The following CCER2 variants were observed in gnomAD, a reference collection of about 807,000 sequenced individuals.
CCER2 encodes the protein coiled-coil domain-containing glutamate-rich protein 2.
In CCER2, 20 loss-of-function variants were observed where a neutral mutation model predicts 27.1. The ratio of observed to expected loss-of-function variants is 0.74; its 90% CI spans 0.52 to 1.07. The LOEUF is 1.07. Ranked by LOEUF, CCER2 falls within the 50% of genes least tolerant of loss-of-function variation. CCER2 has a pLI of 0.00. For synonymous variants in CCER2, 140 were observed against 144.3 expected, an observed-to-expected ratio of 0.97 and a Z score of 0.21; for missense variants, 351 against 344.7, an observed-to-expected ratio of 1.02 and a Z score of -0.14.
At chr19:38,909,789 G>T (rs1054145066) in intron 4 of CCER2, among the ~76,000 whole-genome samples, 3 of 151,870 alleles carry the variant, frequency 2.0e-5, no homozygotes, top group Admixed American at 6.6e-5. Flanking sequence ...GGCCAGGCTG[G>T]TCTCGAACTC....
chr19:38,911,160 A>G, intron 3 of CCER2, 77 bp from the exon 4 acceptor site: 2 of 1,357,634 alleles, frequency 1.5e-6, no homozygotes, highest in Non-Finnish European at 1.9e-6. Context: ...CACGCCTGTA[A>G]TCTCAGCACT....
intron 4 of CCER2, 96 bp downstream of exon 4, chr19:38,910,467 G>T: frequency 7.1e-7 from 1 of 1,413,116 alleles, no homozygotes; most frequent in Non-Finnish European, 9.2e-7. Flanking sequence ...TGGTGGTGCA[G>T]GGCCAACACC....
intron 4 of CCER2, 56 bp from the exon 5 acceptor site, chr19:38,909,381 G>A (rs756931708): frequency 1.1e-5 from 16 of 1,480,584 alleles, no homozygotes; most frequent in Non-Finnish European, 1.1e-5. Flanking sequence ...AGGCCACCTC[G>A]GTCACTGTGA....
At position 38,909,000 on chromosome 19, in the gene CCER2, T is replaced by G; in HGVS notation, c.*236A>C. 1 of 1,125,760 alleles carries G rather than the reference T, an allele frequency of 8.9e-7. No individual in the cohort carries two copies. Among genetic ancestry groups the G allele is most frequent in the Non-Finnish European group, 1.2e-6 (1 of 805,036 alleles). The allele number at this position is 1,125,760 out of a possible 1,614,324, so 69.7% of individuals were successfully genotyped here. A position where few individuals can be genotyped will look rare whatever the true frequency, so the allele number is the denominator to read the frequency against. On this transcript the variant is annotated 3_prime_UTR_variant, in exon 5 of 5. Transcript: ENST00000571838. ...CAGGGTGCGTTTCTTTGTGCTTTATTCACTCAGAAGGGTTGGAGTGGGAGT... is the reference window on the plus strand; with the variant it reads ...CAGGGTGCGTTTCTTTGTGCTTTATGCACTCAGAAGGGTTGGAGTGGGAGT...
chr19:38,909,004 T>A lies in CCER2; in HGVS notation c.*232A>T. 9.1e-7 allele frequency: 1 copy of A among 1,102,958 alleles called. No individual in the cohort carries two copies. The highest frequency in any genetic ancestry group is 1.3e-6 in the Non-Finnish European group (1 of 785,720). 68.3% of individuals were successfully genotyped at this position (1,102,958 alleles called of 1,614,324 possible). A position where few individuals can be genotyped will look rare whatever the true frequency, so the allele number is the denominator to read the frequency against. On this transcript the variant is annotated 3_prime_UTR_variant, in exon 5 of 5. Coordinates refer to ENST00000571838, the MANE Select transcript of CCER2 (RefSeq NM_001243212.2). Reference sequence around the variant, plus strand: ...GTGCGTTTCTTTGTGCTTTATTCACTCAGAAGGGTTGGAGTGGGAGTGCAT... The same window carrying A: ...GTGCGTTTCTTTGTGCTTTATTCACACAGAAGGGTTGGAGTGGGAGTGCAT...
chr19:38,912,074 G>A lies in CCER2; in HGVS notation c.61+24C>T, dbSNP rs545962792. 8.3e-4 allele frequency: 1,259 copies of A among 1,524,806 alleles called. 10 individuals carry two copies. In the Admixed American group the frequency reaches 0.015, roughly 19 times the overall value. 94.5% of individuals were successfully genotyped at this position (1,524,806 alleles called of 1,614,324 possible). A position where few individuals can be genotyped will look rare whatever the true frequency, so the allele number is the denominator to read the frequency against. On this transcript the variant is annotated intron_variant, in intron 1 of 4. Transcript: ENST00000571838. ...CGCTCCCCGGCCCCTGGCAGGTCCC[G>A]CACTCGGCAGGTCCCGCACTCACCC...
rs1974296746 is a variant in CCER2 at position 38,910,978 on chromosome 19, T to A, written c.296A>T (p.Glu99Val). 4 of 1,516,136 alleles carry A rather than the reference T, an allele frequency of 2.6e-6. No homozygotes were observed. In the East Asian group the frequency reaches 9.8e-5, roughly 37 times the overall value. 93.9% of individuals were successfully genotyped at this position (1,516,136 alleles called of 1,614,324 possible). A position where few individuals can be genotyped will look rare whatever the true frequency, so the allele number is the denominator to read the frequency against. ...CTCCTCCTCTTCCTCATCCCTCACC[T>A]CCTGGCTGGACCTCATCTTCCCAGC... ...QEAGKMRSSQ[E>V]VRDEEEEEVA... The change falls in exon 4 of 5, where the codon GAG (glutamate) becomes GTG (valine). Residue 99 changes from glutamate (E) to valine (V), a missense_variant. Glu to Val is a moderately radical substitution (Grantham distance 121). Coordinates refer to ENST00000571838, the MANE Select transcript of CCER2 (RefSeq NM_001243212.2).
In CCER2 at chr19:38,911,570, G is replaced by C. The variant is rs898019134; in HGVS notation, c.186C>G (p.His62Gln). 7.2e-6 allele frequency: 11 copies of C among 1,535,236 alleles called. No individual in the cohort carries two copies. The African/African-American group carries it at 1.5e-4, about 21-fold the overall frequency. ...VQRGPCTALL[H>Q]KELCGTEPHG... Reference sequence around the variant, plus strand: ...TGGGGCCCGGGGCCTCCTTACCCTTGTGGAGAAGAGCAGTGCAGGGTCCTC... The same window carrying C: ...TGGGGCCCGGGGCCTCCTTACCCTTCTGGAGAAGAGCAGTGCAGGGTCCTC... Residue 62 changes from histidine to glutamine, a missense_variant, in exon 3 of 5, where the codon CAC becomes CAG. Coordinates refer to ENST00000571838, the MANE Select transcript of CCER2 (RefSeq NM_001243212.2).
chr19:38,910,615 T>C lies in CCER2; in HGVS notation c.659A>G (p.His220Arg). The change falls in exon 4 of 5, where the codon CAC becomes CGC. Residue 220 changes from histidine (H) to arginine (R), a missense_variant. Coordinates refer to ENST00000571838, the MANE Select transcript of CCER2 (RefSeq NM_001243212.2). ...CTGCCTGGGCTCAGCCTCTGGCTGG[T>C]GGTGGTGGTGGTGGTGGTGGGGCAA... is the stretch of plus-strand genomic sequence containing the variant. ...EDLPHHHHHH[H>R]QPEAEPRQEK... 6.6e-7 allele frequency: 1 copy of C among 1,517,888 alleles called. No individual in the cohort carries two copies. Among genetic ancestry groups the C allele is most frequent in the South Asian group, 1.2e-5 (1 of 81,216 alleles). The allele number at this position is 1,517,888 out of a possible 1,614,324, so 94.0% of individuals were successfully genotyped here.
Position 38,911,025 on chromosome 19 carries a change from A to C in CCER2, c.249T>G (p.Leu83=). The C allele has an allele frequency of 6.8e-7, 1 of 1,460,168 alleles. No individual in the cohort carries two copies. The highest frequency in any genetic ancestry group is 9.0e-7 in the Non-Finnish European group (1 of 1,111,688). 90.5% of individuals were successfully genotyped at this position (1,460,168 alleles called of 1,614,324 possible). ...CAGCCTCCTGCTTCTTGAAATCCCC[A>C]AGCAGCAGGCCTTTCTCCTCGGTGG... ...CASTEEKGLL[L]GDFKKQEAGK... Residue 83 remains leucine, a synonymous_variant, in exon 4 of 5, where the codon CTT becomes CTG. Transcript: ENST00000571838.
In CCER2 at chr19:38,911,873, A is replaced by T. The variant is rs1281920413; in HGVS notation, c.62-21T>A. Reference sequence around the variant, plus strand: ...GGTGGCTGTGGAGAAAGGAGATGGCACTGGGCTTTGCCGCCCTGGCTGCTG... The same window carrying T: ...GGTGGCTGTGGAGAAAGGAGATGGCTCTGGGCTTTGCCGCCCTGGCTGCTG... On this transcript the variant is annotated intron_variant, in intron 1 of 4. Transcript: ENST00000571838. The T allele has an allele frequency of 6.5e-6, 10 of 1,534,324 alleles. No homozygotes were observed. The East Asian group carries it at 2.4e-4, about 37-fold the overall frequency.
At chr19:38,910,415 G>T in intron 4 of CCER2, 148 bp downstream of exon 4, 1 of 1,162,174 alleles carries the variant, frequency 8.6e-7, no homozygotes, top group Non-Finnish European at 1.1e-6. Context: ...TTAGCCAGTC[G>T]TGGTGTCAGT....
In CCER2 at chr19:38,911,905, G is replaced by A. The variant is rs967816276; in HGVS notation, c.62-53C>T. Reference sequence around the variant, plus strand: ...TTTGCCGCCCTGGCTGCTGTCCCCGGTACCGACCCCAGCTCCATGGGCGTC... The same window carrying A: ...TTTGCCGCCCTGGCTGCTGTCCCCGATACCGACCCCAGCTCCATGGGCGTC... On this transcript the variant is annotated intron_variant, in intron 1 of 4. Transcript: ENST00000571838. The A allele has an allele frequency of 6.1e-5, 93 of 1,530,776 alleles. No homozygotes were observed. In the East Asian group the frequency reaches 2.1e-3, roughly 35 times the overall value. 94.8% of individuals were successfully genotyped at this position (1,530,776 alleles called of 1,614,324 possible).
chr19:38,911,197 T>A, intron 3 of CCER2, 114 bp from the exon 4 acceptor site: 1 of 1,122,872 alleles, frequency 8.9e-7, no homozygotes, highest in Non-Finnish European at 1.2e-6. Flanking sequence ...GCCGATCACC[T>A]GAGGTCAGGA....
intron 2 of CCER2, 51 bp downstream of exon 2, chr19:38,911,761 A>AGGGCAGGGCCCCAGCTAGGTG: frequency 1.3e-6 from 2 of 1,529,676 alleles, no homozygotes; most frequent in Non-Finnish European, 1.8e-6. Flanking sequence ...CTGTGCAGGG[A>AGGGCAGGGCCCCAGCTAGGTG]GGGCAGGGCC....
intron 4 of CCER2, among the ~76,000 whole-genome samples, chr19:38,909,800 C>T (rs1974267077): frequency 6.6e-6 from 1 of 152,014 alleles, no homozygotes; most frequent in African/African-American, 2.4e-5. Flanking sequence ...TCTCGAACTC[C>T]TGACCTCAGG....
rs967843323 is a variant in CCER2, at chr19:38,909,135, T to G, written c.*101A>C. 1 of 1,238,936 alleles carries G rather than the reference T, an allele frequency of 8.1e-7. No individual in the cohort carries two copies. The highest frequency in any genetic ancestry group is 1.1e-6 in the Non-Finnish European group (1 of 888,204). 76.7% of individuals were successfully genotyped at this position (1,238,936 alleles called of 1,614,324 possible). Reference sequence around the variant, plus strand: ...AGGCACGTCCGCCTCCTCCCCTGTTTGGGTAGGGGTGGCGTGGGGTGCTAG... The same window carrying G: ...AGGCACGTCCGCCTCCTCCCCTGTTGGGGTAGGGGTGGCGTGGGGTGCTAG... On this transcript the variant is annotated 3_prime_UTR_variant, in exon 5 of 5. Coordinates refer to ENST00000571838, the MANE Select transcript of CCER2 (RefSeq NM_001243212.2).
intron 3 of CCER2, among the ~76,000 whole-genome samples, 166 bp downstream of exon 3, chr19:38,911,400 T>G (rs1015274660): frequency 1.3e-5 from 2 of 152,184 alleles, no homozygotes; most frequent in African/African-American, 4.8e-5. Context: ...GTGTGAATGC[T>G]GGGCAGTGCC....
At chr19:38,910,383 T>C (rs1437462748) in intron 4 of CCER2, among the ~76,000 whole-genome samples, 180 bp downstream of exon 4, 1 of 152,186 alleles carries the variant, frequency 6.6e-6, no homozygotes, top group Non-Finnish European at 1.5e-5. Context: ...AAGTATAAGG[T>C]AAAGGCCTTG....
Sources: gnomAD v4.1 joint callset for allele counts (sites outside exome capture counted in the v4.1 genomes callset) on GRCh38, gnomAD v4.1.1 for gene constraint, MANE v1.5 for transcripts, NCBI Gene and HGNC (gene_info 2026-07-23, HGNC 2026-07-21) for gene names.